STIM1: variants seen among roughly 807,000 people sequenced by gnomAD.
STIM1 encodes the protein stromal interaction molecule 1.
STIM1 carries 25 observed loss-of-function variants against 74.7 expected under a neutral mutation model. That is an observed-to-expected ratio of 0.33 (90% CI 0.24 to 0.47). The LOEUF (loss-of-function observed/expected upper bound fraction) is 0.47, where lower values mean the gene tolerates loss of function less well. STIM1 is among the 20% of genes least tolerant of loss of function. The pLI is 1.00. For missense variants in STIM1, 728 were observed against 920.8 expected, an observed-to-expected ratio of 0.79 and a Z score of 2.71; for synonymous variants, 328 against 348.8, an observed-to-expected ratio of 0.94 and a Z score of 0.66.
intron 1 of STIM1, among the ~76,000 whole-genome samples, chr11:3,867,607 T>C (rs2090907499): frequency 6.6e-6 from 1 of 152,248 alleles, no homozygotes; most frequent in African/African-American, 2.4e-5. Flanking sequence ...TTTTTAAATG[T>C]TATCTCTGAT....
intron 1 of STIM1, among the ~76,000 whole-genome samples, chr11:3,859,370 A>T (rs560964030): frequency 2.6e-4 from 40 of 152,188 alleles, no homozygotes; most frequent in African/African-American, 9.2e-4. Context: ...CTCAGTAAAG[A>T]TCTGTGCCTG....
chr11:4,043,307 A>G (rs558598708), intron 3 of STIM1, among the ~76,000 whole-genome samples: 69 of 152,338 alleles, frequency 4.5e-4, no homozygotes, highest in African/African-American at 1.6e-3. Flanking sequence ...TATAAAACAT[A>G]GTATGGAGAC....
chr11:3,888,425 TC>T (rs1360096247), intron 1 of STIM1, among the ~76,000 whole-genome samples: 1 of 152,164 alleles, frequency 6.6e-6, no homozygotes, highest in Non-Finnish European at 1.5e-5. Context: ...AAGAAGCACT[TC>T]CCTTTTCTTT....
chr11:3,901,635 T>C (rs986510667), intron 1 of STIM1, among the ~76,000 whole-genome samples: 9 of 152,270 alleles, frequency 5.9e-5, no homozygotes, highest in Non-Finnish European at 1.3e-4. Flanking sequence ...CTGATATAGT[T>C]TTCTCCATGT....
At chr11:3,906,012 C>G (rs1168818243) in intron 1 of STIM1, among the ~76,000 whole-genome samples, 2 of 152,196 alleles carry the variant, frequency 1.3e-5, no homozygotes, top group African/African-American at 4.8e-5. Flanking sequence ...CTGGTGGTTT[C>G]AGGCTTTTAC....
chr11:3,871,495 A>T (rs938262149), intron 1 of STIM1, among the ~76,000 whole-genome samples: 1 of 152,156 alleles, frequency 6.6e-6, no homozygotes, highest in Non-Finnish European at 1.5e-5. Context: ...GCTCTGTGTC[A>T]TGGGGGCAGG....
At chr11:3,866,570 G>A (rs969493363) in intron 1 of STIM1, among the ~76,000 whole-genome samples, 1 of 152,050 alleles carries the variant, frequency 6.6e-6, no homozygotes, top group African/African-American at 2.4e-5. Flanking sequence ...GGGATTACAG[G>A]TGCGTGCCAC....
chr11:3,897,818 T>C (rs1435811905), intron 1 of STIM1, among the ~76,000 whole-genome samples: 1 of 152,150 alleles, frequency 6.6e-6, no homozygotes. Context: ...TCCAATTTCA[T>C]CCATGTCCCT....
intron 1 of STIM1, among the ~76,000 whole-genome samples, chr11:3,882,092 C>CTTT (rs946580998): frequency 1.8e-3 from 166 of 92,314 alleles, no homozygotes; most frequent in Non-Finnish European, 2.1e-3. Context: ...CACTTCATTC[C>CTTT]TTTTTTTTTT....
intron 2 of STIM1, among the ~76,000 whole-genome samples, chr11:3,981,897 A>G (rs1304818197): frequency 6.6e-6 from 1 of 152,270 alleles, no homozygotes; most frequent in East Asian, 1.9e-4. Flanking sequence ...TAGTAGAGCA[A>G]AAGTATGTAC....
chr11:3,863,432 T>C (rs894270432), intron 1 of STIM1, among the ~76,000 whole-genome samples: 26 of 151,924 alleles, frequency 1.7e-4, no homozygotes, highest in African/African-American at 6.0e-4. Flanking sequence ...ACTTTTTCTA[T>C]TTTTTTGAAG....
chr11:3,856,287 G>A lies in STIM1; in HGVS notation c.17G>A (p.Arg6His). Residue 6 changes from arginine (R) to histidine (H), a missense_variant, in exon 1 of 13, where the codon CGT becomes CAT. Coordinates refer to ENST00000526596, the MANE Select transcript of STIM1 (RefSeq NM_001382567.1). ...CCTAGAGTCATGGATGTATGCGTCC[G>A]TCTTGCCCTGTGGCTCCTCTGGGGA... MDVCV[R>H]LALWLLWGLL... 1 of 1,614,168 alleles carries A rather than the reference G, an allele frequency of 6.2e-7. No homozygotes were observed. The highest frequency in any genetic ancestry group is 8.5e-7 in the Non-Finnish European group (1 of 1,180,026).
intron 3 of STIM1, among the ~76,000 whole-genome samples, chr11:4,046,648 G>T (rs926675024): frequency 7.9e-5 from 12 of 151,972 alleles, no homozygotes; most frequent in African/African-American, 2.7e-4. Flanking sequence ...GATTTTGTTT[G>T]TTTTGTTTTC....
chr11:4,027,189 T>C (rs542586985), intron 3 of STIM1, among the ~76,000 whole-genome samples: 1 of 152,348 alleles, frequency 6.6e-6, no homozygotes, highest in South Asian at 2.1e-4. Context: ...AAATTCTTTA[T>C]TATACAACAT....
intron 1 of STIM1, among the ~76,000 whole-genome samples, chr11:3,895,867 C>CTTTTCT (rs564991058): frequency 1.3e-5 from 1 of 75,260 alleles, no homozygotes; most frequent in Non-Finnish European, 2.4e-5. Flanking sequence ...CTCTCTCTCT[C>CTTTTCT]TTTCTTTTCT....
At chr11:3,995,918 G>A (rs1197849428) in intron 2 of STIM1, among the ~76,000 whole-genome samples, 1 of 151,442 alleles carries the variant, frequency 6.6e-6, no homozygotes, top group East Asian at 1.9e-4. Flanking sequence ...TGTTGCCCAG[G>A]CTGGTGAAAT....
At chr11:4,035,148 A>G (rs992184643) in intron 3 of STIM1, among the ~76,000 whole-genome samples, 1 of 151,990 alleles carries the variant, frequency 6.6e-6, no homozygotes, top group South Asian at 2.1e-4. Flanking sequence ...TTAGTTTGGT[A>G]AGGTGAAAAC....
chr11:3,947,100 G>A (rs1220767938), intron 1 of STIM1, among the ~76,000 whole-genome samples: 2 of 139,350 alleles, frequency 1.4e-5, no homozygotes, highest in Non-Finnish European at 3.1e-5. Context: ...CATTCTTAGT[G>A]TTTTTTTTTT....
At chr11:4,042,329 C>T (rs193241708) in intron 3 of STIM1, among the ~76,000 whole-genome samples, 75 of 152,310 alleles carry the variant, frequency 4.9e-4, no homozygotes, top group Admixed American at 2.9e-3. Flanking sequence ...CCTAATCTGA[C>T]CTAATACAAT....
Sources: gnomAD v4.1 joint callset for allele counts (sites outside exome capture counted in the v4.1 genomes callset) on GRCh38, gnomAD v4.1.1 for gene constraint, MANE v1.5 for transcripts, NCBI Gene and HGNC (gene_info 2026-07-23, HGNC 2026-07-21) for gene names.